Variants in ANO6 observed in about 807,000 individuals in gnomAD.
The protein encoded by ANO6 is anoctamin 6.
In ANO6, 106 loss-of-function variants were observed where a neutral mutation model predicts 117.5. The ratio of observed to expected loss-of-function variants is 0.90; its 90% CI spans 0.77 to 1.06. The LOEUF (loss-of-function observed/expected upper bound fraction) is 1.06, where lower values mean the gene tolerates loss of function less well. Ranked by LOEUF, ANO6 falls within the 50% of genes least tolerant of loss-of-function variation. The pLI, the probability that ANO6 is intolerant of heterozygous loss-of-function variation, is 0.00. For missense variants in ANO6, 955 were observed against 1,121.1 expected (o/e 0.85, Z 2.12); for synonymous variants, 367 against 385.1 (o/e 0.95, Z 0.55).
intron 2 of ANO6, among the ~76,000 whole-genome samples, chr12:45,330,422 A>G (rs960225147): frequency 1.3e-5 from 2 of 152,114 alleles, no homozygotes; most frequent in African/African-American, 4.8e-5. Flanking sequence ...TTAATGAATC[A>G]TAGAAAACTT....
intron 1 of ANO6, among the ~76,000 whole-genome samples, chr12:45,227,268 A>G (rs1202288941): frequency 1.3e-5 from 2 of 152,202 alleles, no homozygotes; most frequent in African/African-American, 4.8e-5. Context: ...ACCCATAGTA[A>G]AGAAACCGTT....
At chr12:45,376,735 G>T (rs1488174109) in intron 9 of ANO6, among the ~76,000 whole-genome samples, 1 of 151,084 alleles carries the variant, frequency 6.6e-6, no homozygotes, top group African/African-American at 2.4e-5. Flanking sequence ...ATAGCATTGG[G>T]AGGTATACCT....
chr12:45,230,222 A>C (rs1249534709), intron 1 of ANO6, among the ~76,000 whole-genome samples: 1 of 152,132 alleles, frequency 6.6e-6, no homozygotes, highest in African/African-American at 2.4e-5. Flanking sequence ...GATGCGTAGT[A>C]GGCAATCAGT....
chr12:45,220,782 G>T (rs1359288566), intron 1 of ANO6, among the ~76,000 whole-genome samples: 1 of 152,198 alleles, frequency 6.6e-6, no homozygotes, highest in Non-Finnish European at 1.5e-5. Flanking sequence ...GCTGGTCACT[G>T]GAAAGACCAA....
chr12:45,406,057 C>T (rs763535786), intron 15 of ANO6, among the ~76,000 whole-genome samples: 11 of 152,324 alleles, frequency 7.2e-5, no homozygotes, highest in Middle Eastern at 6.8e-3. Context: ...TTTCACCACA[C>T]ATGTACCCTC....
Position 45,388,056 on chromosome 12 carries a change from G to T in ANO6, c.1166-105G>T, listed in dbSNP as rs564599535. 8.3e-5 allele frequency: 122 copies of T among 1,462,040 alleles called. No individual in the cohort carries two copies. In the South Asian group the frequency reaches 1.1e-3, roughly 13 times the overall value. The allele number at this position is 1,462,040 out of a possible 1,614,324, so 90.6% of individuals were successfully genotyped here. Reference sequence around the variant, plus strand: ...AGTCCAGGTAGTTCTTTATAGCAGTGTGAAAACAGGCCAGTACAATGGATA... The same window carrying T: ...AGTCCAGGTAGTTCTTTATAGCAGTTTGAAAACAGGCCAGTACAATGGATA... On this transcript the variant is annotated intron_variant, in intron 10 of 19. Transcript: ENST00000320560.
chr12:45,326,227 G>T (rs1940457834), intron 2 of ANO6, among the ~76,000 whole-genome samples: 1 of 152,112 alleles, frequency 6.6e-6, no homozygotes, highest in African/African-American at 2.4e-5. Flanking sequence ...TGCATACAAG[G>T]CATTTCATGG....
downstream of ANO6, among the ~76,000 whole-genome samples, chr12:45,434,301 C>G (rs12829186): frequency 6.6e-6 from 1 of 152,120 alleles, no homozygotes; most frequent in Non-Finnish European, 1.5e-5. Context: ...AGTGATAAAT[C>G]GCTGTCAGTC....
downstream of ANO6, chr12:45,432,376 A>T: frequency 1.3e-6 from 1 of 749,194 alleles, no homozygotes; most frequent in Middle Eastern, 7.0e-4. Context: ...ATATTGTCTT[A>T]ACGTTTTTAA....
intron 1 of ANO6, among the ~76,000 whole-genome samples, chr12:45,221,116 A>C (rs1947391728): frequency 6.6e-6 from 1 of 152,156 alleles, no homozygotes; most frequent in Non-Finnish European, 1.5e-5. Context: ...GGCTTACTGC[A>C]GGTGGATAGT....
At chr12:45,405,285 G>T (rs1248507750) in intron 15 of ANO6, among the ~76,000 whole-genome samples, 2 of 152,110 alleles carry the variant, frequency 1.3e-5, no homozygotes, top group East Asian at 3.9e-4. Flanking sequence ...GAAAAAAGTA[G>T]GTTAATTATT....
intron 2 of ANO6, among the ~76,000 whole-genome samples, chr12:45,317,113 G>GTGTGTA: frequency 1.5e-5 from 1 of 66,448 alleles, no homozygotes; most frequent in Admixed American, 1.5e-4. Flanking sequence ...CTTTTTATAT[G>GTGTGTA]TATATATATA....
rs1016077957 is a variant in ANO6 at position 45,348,149 on chromosome 12, C to T, written c.467C>T (p.Ser156Leu). ...CCCAATGATCTGAAAAACCGGTCCTCAGCCTTTGGTACACTCAACTGGTTT... is the reference window on the plus strand; with the variant it reads ...CCCAATGATCTGAAAAACCGGTCCTTAGCCTTTGGTACACTCAACTGGTTT... The part of the protein sequence containing the change: ...LKPNDLKNRS[S>L]AFGTLNWFTK... The change falls in exon 5 of 20, where the codon TCA becomes TTA. Residue 156 changes from serine (S) to leucine (L), a missense_variant. Coordinates refer to ENST00000320560, the MANE Select transcript of ANO6 (RefSeq NM_001025356.3). The T allele has an allele frequency of 1.9e-6, 3 of 1,614,110 alleles. No homozygotes were observed. The highest frequency in any genetic ancestry group is 2.5e-6 in the Non-Finnish European group (3 of 1,179,996).
At position 45,403,415 on chromosome 12, in the gene ANO6, G is replaced by A. The variant is rs570494962; in HGVS notation, c.1783-24G>A. The A allele has an allele frequency of 1.3e-5, 20 of 1,582,786 alleles. No individual in the cohort carries two copies. The Admixed American group carries it at 1.5e-4, about 12-fold the overall frequency. On this transcript the variant is annotated intron_variant, in intron 14 of 19. Coordinates refer to ENST00000320560, the MANE Select transcript of ANO6 (RefSeq NM_001025356.3). ...AGTTAGATCCATTGAATATTTAAATGGTATTTTCTTTTTAACCTTCTAGTG... is the reference window on the plus strand; with the variant it reads ...AGTTAGATCCATTGAATATTTAAATAGTATTTTCTTTTTAACCTTCTAGTG...
chr12:45,328,491 G>A (rs926896102), intron 2 of ANO6, among the ~76,000 whole-genome samples: 7 of 151,950 alleles, frequency 4.6e-5, no homozygotes, highest in African/African-American at 9.7e-5. Context: ...TGGAAAAAAC[G>A]TTCTACTTAT....
chr12:45,412,381 TCA>T (rs1208369015), intron 16 of ANO6, among the ~76,000 whole-genome samples: 1 of 152,356 alleles, frequency 6.6e-6, no homozygotes, highest in East Asian at 1.9e-4. Flanking sequence ...TACCTTGATC[TCA>T]CTTTCATCTG....
intron 1 of ANO6, among the ~76,000 whole-genome samples, chr12:45,268,651 C>T (rs1938295949): frequency 6.6e-6 from 1 of 152,072 alleles, no homozygotes; most frequent in Admixed American, 6.6e-5. Context: ...TTTTCACCTT[C>T]CTGTTTATTG....
rs901734332 is a variant in ANO6 at position 45,367,623 on chromosome 12, G to A, written c.999-65G>A. 3 of 1,275,260 alleles carry A rather than the reference G, an allele frequency of 2.4e-6. No homozygotes were observed. The Admixed American group carries it at 5.3e-5, about 23-fold the overall frequency. 79.0% of individuals were successfully genotyped at this position (1,275,260 alleles called of 1,614,324 possible). ...TTTAGTTTTGTTTCTTATTGTGAAT[G>A]GATATTAGATTTTATCATGCTGCTT... On this transcript the variant is annotated intron_variant, in intron 8 of 19. Transcript: ENST00000320560.
rs1942506147 is a variant in ANO6, at chr12:45,393,246, A to G, written c.1386+2748A>G. Reference sequence around the variant, plus strand: ...TCGATCAAGTGGAAGAAAGGGTATCAGTGATTGAAGATCAAATTAATGAAA... The same window carrying G: ...TCGATCAAGTGGAAGAAAGGGTATCGGTGATTGAAGATCAAATTAATGAAA... On this transcript the variant is annotated intron_variant, in intron 12 of 19. Transcript: ENST00000320560. Among the ~76,000 whole-genome samples the G allele has an allele frequency of 7.2e-5, 11 of 152,342 alleles. No homozygotes were observed. In the South Asian group the frequency reaches 2.1e-3, roughly 29 times the overall value.
Sources: gnomAD v4.1 joint callset for allele counts (sites outside exome capture counted in the v4.1 genomes callset) on GRCh38, gnomAD v4.1.1 for gene constraint, MANE v1.5 for transcripts, NCBI Gene and HGNC (gene_info 2026-07-23, HGNC 2026-07-21) for gene names.